Variants in ERBB4 observed in about 807,000 individuals in gnomAD.
The protein encoded by ERBB4 is erb-b2 receptor tyrosine kinase 4.
In ERBB4, 42 loss-of-function variants were observed where a neutral mutation model predicts 158.0. The ratio of observed to expected loss-of-function variants is 0.27; its 90% CI spans 0.21 to 0.34. The LOEUF is 0.34. Among genes scored for constraint, ERBB4 ranks in the 10% least tolerant of loss-of-function variants. The probability of loss-of-function intolerance (pLI) is 1.00; values close to 1 mark genes in which losing one functional copy is unlikely to be tolerated. For synonymous variants in ERBB4, 583 were observed against 558.7 expected, an observed-to-expected ratio of 1.04 and a Z score of -0.61; for missense variants, 1,333 against 1,624.1, an observed-to-expected ratio of 0.82 and a Z score of 3.08.
intron 4 of ERBB4, chr2:211,778,369 C>T (rs1388383317): frequency 6.6e-6 from 1 of 152,180 alleles, no homozygotes; most frequent in African/African-American, 2.4e-5. Flanking sequence ...CTTAAGCCTC[C>T]TAATTTGAGC....
In ERBB4 at chr2:211,916,927, T is replaced by G. The variant is rs1020270095; in HGVS notation, c.421+30503A>C. Among the ~76,000 whole-genome samples the G allele has an allele frequency of 5.9e-5, 9 of 152,258 alleles. No individual in the cohort carries two copies. The East Asian group carries it at 1.5e-3, about 26-fold the overall frequency. On this transcript the variant is annotated intron_variant, in intron 3 of 27. Coordinates refer to ENST00000342788, the MANE Select transcript of ERBB4 (RefSeq NM_005235.3). Reference sequence around the variant, plus strand: ...AAAATGTAGACTGCTAAGAGGAATCTGGTAGATCTACATGTGCTAACATTT... The same window carrying G: ...AAAATGTAGACTGCTAAGAGGAATCGGGTAGATCTACATGTGCTAACATTT...
chr2:212,332,823 G>A lies in ERBB4; in HGVS notation c.82+205626C>T, dbSNP rs73987366. Among the ~76,000 whole-genome samples, 1,019 of 152,076 alleles carry A rather than the reference G, an allele frequency of 6.7e-3. 11 individuals carry two copies. Among genetic ancestry groups the A allele is most frequent in the African/African-American group, 0.021 (879 of 41,530 alleles). ...GCTATTTGGATTTCTTTATGGTACCGTCCAAAAGAAAATCTGAGGGTTATT... is the reference window on the plus strand; with the variant it reads ...GCTATTTGGATTTCTTTATGGTACCATCCAAAAGAAAATCTGAGGGTTATT... On this transcript the variant is annotated intron_variant, in intron 1 of 27. Coordinates refer to ENST00000342788, the MANE Select transcript of ERBB4 (RefSeq NM_005235.3).
intron 19 of ERBB4, among the ~76,000 whole-genome samples, chr2:211,563,985 A>G (rs959637793): frequency 1.3e-5 from 2 of 152,212 alleles, no homozygotes; most frequent in African/African-American, 4.8e-5. Flanking sequence ...TAAGGACACA[A>G]ATTATATTGA....
In ERBB4 at chr2:211,754,460, G is replaced by A. The variant is rs544269646; in HGVS notation, c.557-3756C>T. On this transcript the variant is annotated intron_variant, in intron 4 of 27. Transcript: ENST00000342788. ...TCTGTTGCACAGGCTGGAGTGCAGT[G>A]GCGCAATCTTGGCTCACTGCAACCT... Among the ~76,000 whole-genome samples, 3 of 150,678 alleles carry A rather than the reference G, an allele frequency of 2.0e-5. No homozygotes were observed. In the South Asian group the frequency reaches 6.3e-4, roughly 32 times the overall value.
At chr2:211,755,723 C>T (rs1360959558) in intron 4 of ERBB4, among the ~76,000 whole-genome samples, 1 of 152,162 alleles carries the variant, frequency 6.6e-6, no homozygotes, top group South Asian at 2.1e-4. Flanking sequence ...CCATGAACTG[C>T]ATTTATGTTT....
intron 2 of ERBB4, among the ~76,000 whole-genome samples, chr2:212,122,855 G>T (rs16847741): frequency 0.1 from 15,307 of 151,836 alleles, 1,603 homozygotes; most frequent in African/African-American, 0.27. Flanking sequence ...TATTTTTGTT[G>T]TCAGTGAAAT....
At chr2:211,947,334 G>A in intron 3 of ERBB4, 96 bp downstream of exon 3, 1 of 980,104 alleles carries the variant, frequency 1.0e-6, no homozygotes, top group Middle Eastern at 2.9e-4. Flanking sequence ...GCCTTAGAGT[G>A]TTCCTCAATG....
At chr2:211,567,142 A>C (rs2067572487) in intron 19 of ERBB4, among the ~76,000 whole-genome samples, 1 of 152,220 alleles carries the variant, frequency 6.6e-6, no homozygotes, top group Non-Finnish European at 1.5e-5. Context: ...AAAATGAGGA[A>C]ACCAAAACTC....
intron 12 of ERBB4, among the ~76,000 whole-genome samples, chr2:211,685,214 C>A (rs951226731): frequency 6.6e-6 from 1 of 152,126 alleles, no homozygotes; most frequent in African/African-American, 2.4e-5. Flanking sequence ...AACTCTAAAT[C>A]CCTAATGATT....
chr2:211,408,174 A>G (rs1423067831), intron 25 of ERBB4, among the ~76,000 whole-genome samples: 1 of 152,224 alleles, frequency 6.6e-6, no homozygotes, highest in Non-Finnish European at 1.5e-5. Context: ...TGCCACTTCT[A>G]TTATATAAAG....
intron 3 of ERBB4, among the ~76,000 whole-genome samples, chr2:211,934,292 T>C (rs1191799149): frequency 6.6e-6 from 1 of 152,008 alleles, no homozygotes; most frequent in Non-Finnish European, 1.5e-5. Flanking sequence ...ACTTAGCCTG[T>C]CCATTTATAC....
intron 1 of ERBB4, among the ~76,000 whole-genome samples, chr2:212,364,966 T>C (rs1277324422): frequency 1.3e-5 from 2 of 151,570 alleles, no homozygotes; most frequent in African/African-American, 2.4e-5. Context: ...GAATGAATTA[T>C]AGTCTCTGCT....
intron 1 of ERBB4, among the ~76,000 whole-genome samples, chr2:212,243,149 C>T (rs1369639418): frequency 1.3e-5 from 2 of 152,122 alleles, no homozygotes; most frequent in African/African-American, 4.8e-5. Flanking sequence ...ATCAATGGCA[C>T]AGAACGGGTT....
chr2:212,329,037 T>C (rs772077456), intron 1 of ERBB4, among the ~76,000 whole-genome samples: 1 of 152,152 alleles, frequency 6.6e-6, no homozygotes, highest in Non-Finnish European at 1.5e-5. Context: ...AGTGAACATT[T>C]TGGAGCATGT....
At chr2:212,109,271 A>T (rs751997570) in intron 2 of ERBB4, among the ~76,000 whole-genome samples, 30 of 152,094 alleles carry the variant, frequency 2.0e-4, no homozygotes, top group Non-Finnish European at 3.8e-4. Context: ...CTAACAAGGC[A>T]CTCCATTATG....
At chr2:211,747,789 T>C (rs1434509948) in intron 5 of ERBB4, among the ~76,000 whole-genome samples, 2 of 151,994 alleles carry the variant, frequency 1.3e-5, no homozygotes, top group East Asian at 3.9e-4. Context: ...TATCTCAATC[T>C]GAGAATAAAT....
At chr2:212,385,784 G>A (rs1432628605) in intron 1 of ERBB4, among the ~76,000 whole-genome samples, 1 of 151,674 alleles carries the variant, frequency 6.6e-6, no homozygotes, top group African/African-American at 2.4e-5. Context: ...TCCTATACTT[G>A]AGGTAAAAGC....
At chr2:212,457,401 C>G (rs1207574317) in intron 1 of ERBB4, among the ~76,000 whole-genome samples, 1 of 151,986 alleles carries the variant, frequency 6.6e-6, no homozygotes, top group African/African-American at 2.4e-5. Flanking sequence ...CCCTTCTTTA[C>G]AGACTGTTCC....
intron 20 of ERBB4, among the ~76,000 whole-genome samples, chr2:211,551,427 T>G (rs1031553031): frequency 2.0e-4 from 31 of 152,212 alleles, no homozygotes; most frequent in Admixed American, 2.0e-3. Flanking sequence ...GCTATGCCAC[T>G]AATACTGTGA....
Sources: allele counts gnomAD v4.1 joint callset (sites outside exome capture counted in the v4.1 genomes callset), GRCh38; gene constraint gnomAD v4.1.1; transcripts MANE v1.5; gene names NCBI Gene and HGNC (gene_info 2026-07-23, HGNC 2026-07-21).